Variants in ENKUR observed in about 807,000 individuals in gnomAD.
The protein encoded by ENKUR is enkurin, TRPC channel interacting protein, also known as enkurin.
A neutral mutation model predicts 27.6 loss-of-function variants in ENKUR; 19 were observed. The observed-to-expected ratio is 0.69, with a 90% CI of 0.48 to 1.01. ENKUR has a LOEUF of 1.01. Among genes scored for constraint, ENKUR ranks in the 50% least tolerant of loss-of-function variants. The pLI is 0.00. For missense variants in ENKUR, 312 were observed against 310.5 expected (o/e 1.00, Z -0.04); for synonymous variants, 117 against 96.9 (o/e 1.21, Z -1.22).
At chr10:25,052,613 T>TA (rs1329601981) in intron 2 of ENKUR, among the ~76,000 whole-genome samples, 67 of 151,836 alleles carry the variant, frequency 4.4e-4, no homozygotes, top group African/African-American at 1.5e-3. Flanking sequence ...CAGATTTTTT[T>TA]AAAAAAAATT....
chr10:25,037,512 G>C (rs1279472921), intron 2 of ENKUR, among the ~76,000 whole-genome samples: 1 of 152,056 alleles, frequency 6.6e-6, no homozygotes, highest in Non-Finnish European at 1.5e-5. Flanking sequence ...ATTTCCCATT[G>C]CATCTTAAAA....
At chr10:25,019,707 T>G (rs1850679692), upstream of ENKUR, among the ~76,000 whole-genome samples, 1 of 152,240 alleles carries the variant, frequency 6.6e-6, no homozygotes, top group Non-Finnish European at 1.5e-5. Flanking sequence ...TCCTATTAAC[T>G]GCTAATTATC....
intron 1 of ENKUR, among the ~76,000 whole-genome samples, chr10:25,002,192 C>T (rs1850202090): frequency 6.6e-6 from 1 of 152,190 alleles, no homozygotes; most frequent in Admixed American, 6.5e-5. Flanking sequence ...TCCACCTGGG[C>T]TGGTGGGAAC....
chr10:25,000,599 A>G (rs992740070), intron 1 of ENKUR, among the ~76,000 whole-genome samples: 10 of 152,106 alleles, frequency 6.6e-5, no homozygotes, highest in African/African-American at 2.4e-4. Flanking sequence ...GTGCTCTAGA[A>G]TCTACTCTGT....
chr10:25,007,305 T>C (rs1214665864), intron 1 of ENKUR, among the ~76,000 whole-genome samples: 3 of 152,204 alleles, frequency 2.0e-5, no homozygotes, highest in African/African-American at 4.8e-5. Flanking sequence ...TGGCAACTGA[T>C]TTTAAGGAGT....
At chr10:25,018,247 C>T (rs572444065), upstream of ENKUR, among the ~76,000 whole-genome samples, 5 of 152,260 alleles carry the variant, frequency 3.3e-5, no homozygotes, top group African/African-American at 4.8e-5. Context: ...TGCAATTCTC[C>T]TTGCCTTTTG....
intron 2 of ENKUR, among the ~76,000 whole-genome samples, chr10:25,054,980 A>G (rs1199914949): frequency 6.6e-6 from 1 of 152,126 alleles, no homozygotes; most frequent in African/African-American, 2.4e-5. Flanking sequence ...TGGCTGGGTT[A>G]TTCTTTTTCT....
chr10:25,024,423 G>T (rs755403969), intron 2 of ENKUR: 2 of 1,613,818 alleles, frequency 1.2e-6, no homozygotes, highest in Non-Finnish European at 1.7e-6. Flanking sequence ...ATAAGCAAAG[G>T]ATAGCTGTGG....
chr10:25,038,509 AT>A (rs1455247407), intron 2 of ENKUR, among the ~76,000 whole-genome samples: 1 of 152,256 alleles, frequency 6.6e-6, no homozygotes, highest in Non-Finnish European at 1.5e-5. Context: ...ACTCTATAAA[AT>A]TGATATATGC....
chr10:24,988,251 T>G (rs1295334548), intron 4 of ENKUR, among the ~76,000 whole-genome samples: 8 of 140,338 alleles, frequency 5.7e-5, no homozygotes, highest in African/African-American at 2.0e-4. Flanking sequence ...TATATATATA[T>G]GTGTATATAT....
chr10:25,014,576 T>C (rs192044402), intron 1 of ENKUR, among the ~76,000 whole-genome samples: 2 of 152,196 alleles, frequency 1.3e-5, no homozygotes, highest in African/African-American at 4.8e-5. Context: ...AAGAACAGAA[T>C]ACCTACCTAA....
intron 2 of ENKUR, among the ~76,000 whole-genome samples, chr10:25,047,644 GA>G (rs1851135344): frequency 6.6e-6 from 1 of 152,154 alleles, no homozygotes; most frequent in South Asian, 2.1e-4. Flanking sequence ...GCCTGTTCTA[GA>G]ACATTCTGGT....
At chr10:25,061,477 G>A (rs538719411) in intron 1 of ENKUR, 29 of 265,356 alleles carry the variant, frequency 1.1e-4, no homozygotes, top group African/African-American at 2.4e-4. Context: ...GTTCTCCCCC[G>A]CCACCACCAT....
At chr10:25,014,708 T>C (rs1303360011) in intron 1 of ENKUR, among the ~76,000 whole-genome samples, 1 of 152,198 alleles carries the variant, frequency 6.6e-6, no homozygotes, top group Non-Finnish European at 1.5e-5. Context: ...AATAGAAAAT[T>C]TGAAAATAAA....
At chr10:25,011,994 C>T (rs1407919116) in intron 1 of ENKUR, among the ~76,000 whole-genome samples, 1 of 152,218 alleles carries the variant, frequency 6.6e-6, no homozygotes, top group African/African-American at 2.4e-5. Flanking sequence ...GGCCCAGGGC[C>T]TTGCTGCTTT....
intron 2 of ENKUR, among the ~76,000 whole-genome samples, chr10:24,996,456 G>GTGTATA (rs757314440): frequency 2.7e-4 from 41 of 149,806 alleles, no homozygotes; most frequent in Admixed American, 1.6e-3. Context: ...GTGTGTGTGT[G>GTGTATA]TATATATATA....
In ENKUR at chr10:25,015,907, A is replaced by C. The variant is rs1436834598; in HGVS notation, c.30T>G (p.Ile10Met). Residue 10 changes from isoleucine to methionine, a missense_variant, in exon 1 of 6, where the codon ATT becomes ATG. Physicochemically the swap from Ile to Met is conservative, Grantham distance 10. Transcript: ENST00000331161. MDPTCSSEC[I>M]YNLIPSDLKE... The stretch of plus-strand genomic sequence containing the variant: ...TCAAGTCACTGGGTATGAGGTTATA[A>C]ATGCACTCAGAAGAGCACGTTGGAT... 1 of 1,608,450 alleles carries C rather than the reference A, an allele frequency of 6.2e-7. No individual in the cohort carries two copies. Among genetic ancestry groups the C allele is most frequent in the Non-Finnish European group, 8.5e-7 (1 of 1,177,226 alleles).
chr10:25,040,508 C>CT (rs1851051552), intron 2 of ENKUR, among the ~76,000 whole-genome samples: 1 of 151,608 alleles, frequency 6.6e-6, no homozygotes, highest in Non-Finnish European at 1.5e-5. Context: ...GTAGCTGGGA[C>CT]TACAGGCGCC....
At chr10:24,995,154 A>C (rs1019759484) in intron 3 of ENKUR, among the ~76,000 whole-genome samples, 1 of 150,530 alleles carries the variant, frequency 6.6e-6, no homozygotes, top group Non-Finnish European at 1.5e-5. Context: ...AAACCAAATA[A>C]ATATATTCAT....
Sources: allele counts gnomAD v4.1 joint callset (sites outside exome capture counted in the v4.1 genomes callset), GRCh38; gene constraint gnomAD v4.1.1; transcripts MANE v1.5; gene names NCBI Gene and HGNC (gene_info 2026-07-23, HGNC 2026-07-21).